MAPK10: variants seen among roughly 807,000 people sequenced by gnomAD.
MAPK10 encodes JNK3 alpha protein kinase.
Under a neutral mutation model 59.3 loss-of-function variants are expected in MAPK10, and 25 were observed. The ratio of observed to expected loss-of-function variants is 0.42; its 90% CI spans 0.31 to 0.59. The LOEUF (loss-of-function observed/expected upper bound fraction) is 0.59. Ranked by LOEUF, MAPK10 falls within the 20% of genes least tolerant of loss-of-function variation. MAPK10 has a pLI of 0.15. For missense variants in MAPK10, 351 were observed against 568.9 expected (o/e 0.62, Z 3.90); for synonymous variants, 190 against 200.5 (o/e 0.95, Z 0.44).
intron 1 of MAPK10, chr4:86,593,704 G>C (rs566784846): frequency 6.6e-6 from 1 of 152,288 alleles, no homozygotes; most frequent in South Asian, 2.1e-4. Flanking sequence ...CACTTTTGAA[G>C]ATAGCTTTAC....
chr4:86,539,854 C>A (rs1239270956), intron 1 of MAPK10, among the ~76,000 whole-genome samples: 1 of 152,128 alleles, frequency 6.6e-6, no homozygotes, highest in Non-Finnish European at 1.5e-5. Flanking sequence ...TAGTTACAAT[C>A]TTAATTATAA....
At chr4:86,241,021 G>T (rs997029421) in intron 2 of MAPK10, among the ~76,000 whole-genome samples, 1 of 152,034 alleles carries the variant, frequency 6.6e-6, no homozygotes, top group Non-Finnish European at 1.5e-5. Flanking sequence ...GCTCTTGCAG[G>T]GCAGGCCTGG....
intron 2 of MAPK10, among the ~76,000 whole-genome samples, chr4:86,241,408 A>G (rs888635654): frequency 6.6e-6 from 1 of 152,058 alleles, no homozygotes; most frequent in Non-Finnish European, 1.5e-5. Flanking sequence ...CCTGGATAAT[A>G]TCCTGAAGTG....
intron 1 of MAPK10, among the ~76,000 whole-genome samples, chr4:86,469,270 A>G (rs1373500200): frequency 6.6e-6 from 1 of 152,218 alleles, no homozygotes; most frequent in Non-Finnish European, 1.5e-5. Context: ...ACAAAACAGA[A>G]CAAAAAGAAT....
intron 2 of MAPK10, among the ~76,000 whole-genome samples, chr4:86,284,896 G>A (rs1359506234): frequency 1.3e-5 from 2 of 152,142 alleles, no homozygotes; most frequent in Non-Finnish European, 2.9e-5. Flanking sequence ...AGGGCTTGGA[G>A]TAAGAAAAGA....
chr4:86,255,815 G>C (rs2093684316), intron 2 of MAPK10, among the ~76,000 whole-genome samples: 1 of 152,082 alleles, frequency 6.6e-6, no homozygotes, highest in Admixed American at 6.6e-5. Flanking sequence ...AATGTTATTT[G>C]TCTCATCTTA....
chr4:86,247,882 C>T (rs1423035264), intron 2 of MAPK10, among the ~76,000 whole-genome samples: 1 of 152,138 alleles, frequency 6.6e-6, no homozygotes, highest in East Asian at 1.9e-4. Context: ...CAAAAAGTTC[C>T]AAGTGATAAC....
At position 86,012,104 on chromosome 4, in the gene MAPK10, C is replaced by G. The variant is rs999497535; in HGVS notation, c.*5124G>C. ...CCTGCTCTACTTACCTAATGCCCCC[C>G]CAAAAGATGATCTTTTTTTTCTTCA... On this transcript the variant is annotated 3_prime_UTR_variant, in exon 14 of 14. Transcript: ENST00000641462. The G allele has an allele frequency of 7.2e-5, 11 of 152,100 alleles. No homozygotes were observed. Among genetic ancestry groups the G allele is most frequent in the Admixed American group, 1.3e-4 (2 of 15,260 alleles). The allele number at this position is 152,100 out of a possible 1,614,324, so 9.4% of individuals were successfully genotyped here. A position where few individuals can be genotyped will look rare whatever the true frequency, so the allele number is the denominator to read the frequency against.
chr4:86,469,808 G>C lies in MAPK10; in HGVS notation c.-262-115164C>G, dbSNP rs17011923. 9.4e-3 allele frequency among the ~76,000 whole-genome samples: 1,429 copies of C among 152,194 alleles called. 15 individuals are homozygous for C. Among genetic ancestry groups the C allele is most frequent in the African/African-American group, 0.033 (1,354 of 41,526 alleles). On this transcript the variant is annotated intron_variant, in intron 1 of 4. Transcript: ENST00000502302. ...TAGCTTATTCTTCTGTCTTTGATGG[G>C]GCTGCATCCATTTGAGAGATTTTTT...
At position 86,011,141 on chromosome 4, in the gene MAPK10, T is replaced by G. The variant is rs1368768238; in HGVS notation, c.*6087A>C. On this transcript the variant is annotated 3_prime_UTR_variant, in exon 14 of 14. Transcript: ENST00000641462. ...TTTCATGTGTCTGAGAAATATAAAT[T>G]TCTACAGCACATTTTTAGTGCCTTA... 1 of 152,226 alleles carries G rather than the reference T, an allele frequency of 6.6e-6. No individual in the cohort carries two copies. Among genetic ancestry groups the G allele is most frequent in the Non-Finnish European group, 1.5e-5 (1 of 68,042 alleles). 9.4% of individuals were successfully genotyped at this position (152,226 alleles called of 1,614,324 possible).
At chr4:86,100,459 G>A (rs897522007) in intron 8 of MAPK10, 1 of 151,872 alleles carries the variant, frequency 6.6e-6, no homozygotes, top group Non-Finnish European at 1.5e-5. Flanking sequence ...CCTTTTTTAC[G>A]ATTTTTGGAA....
In MAPK10 at chr4:86,101,038, C is replaced by T. The variant is rs200129557; in HGVS notation, c.730+14G>A. The T allele has an allele frequency of 5.3e-5, 86 of 1,611,458 alleles. No homozygotes were observed. Among genetic ancestry groups the T allele is most frequent in the Middle Eastern group, 5.0e-4 (3 of 6,054 alleles). ...ATTCATGGTTTTGATGCTGCTCTCC[C>T]GAAGCATCCCTACCGTTCTCCTTGT... On this transcript the variant is annotated intron_variant, in intron 8 of 13. Coordinates refer to ENST00000641462, the MANE Select transcript of MAPK10 (RefSeq NM_138982.4).
intron 1 of MAPK10, among the ~76,000 whole-genome samples, chr4:86,496,606 T>C (rs904871374): frequency 2.0e-5 from 3 of 152,344 alleles, no homozygotes; most frequent in South Asian, 2.1e-4. Flanking sequence ...AAGGGGACTA[T>C]GTCATGGTGA....
At chr4:86,227,111 C>A (rs1235819397) in intron 2 of MAPK10, among the ~76,000 whole-genome samples, 1 of 152,150 alleles carries the variant, frequency 6.6e-6, no homozygotes, top group African/African-American at 2.4e-5. Flanking sequence ...AAGAAGGGTT[C>A]TCTGACACTA....
chr4:86,550,556 A>G (rs1004790590), intron 1 of MAPK10, among the ~76,000 whole-genome samples: 5 of 152,006 alleles, frequency 3.3e-5, no homozygotes, highest in Admixed American at 3.3e-4. Context: ...AAAATTAGCC[A>G]GGTGTGGTGG....
At chr4:86,340,843 G>A (rs2148937795) in intron 2 of MAPK10, among the ~76,000 whole-genome samples, 2 of 152,280 alleles carry the variant, frequency 1.3e-5, no homozygotes, top group Non-Finnish European at 2.9e-5. Flanking sequence ...TAAAAGAACT[G>A]ATTAAATGCT....
At chr4:86,471,275 CAAAAAA>C (rs60423060) in intron 1 of MAPK10, among the ~76,000 whole-genome samples, 1 of 96,876 alleles carries the variant, frequency 1.0e-5, no homozygotes, top group Non-Finnish European at 2.1e-5. Context: ...TGCCCCCCTG[CAAAAAA>C]AAAAAAAAAA....
chr4:86,492,042 C>T (rs1170352038), intron 1 of MAPK10, among the ~76,000 whole-genome samples: 1 of 152,178 alleles, frequency 6.6e-6, no homozygotes, highest in Admixed American at 6.5e-5. Flanking sequence ...TTGTTAATAA[C>T]TAGCACCTCT....
At chr4:86,091,207 A>T (rs2053061394) in intron 9 of MAPK10, 1 of 151,596 alleles carries the variant, frequency 6.6e-6, no homozygotes, top group Non-Finnish European at 1.5e-5. Context: ...TTAAAATTAT[A>T]TTTGGGAATT....
Sources: allele counts gnomAD v4.1 joint callset (sites outside exome capture counted in the v4.1 genomes callset), GRCh38; gene constraint gnomAD v4.1.1; transcripts MANE v1.5; gene names NCBI Gene and HGNC (gene_info 2026-07-23, HGNC 2026-07-21).